The following ARHGEF37 variants were observed in gnomAD, a reference collection of about 807,000 sequenced individuals.
ARHGEF37 encodes Rho guanine nucleotide exchange factor 37.
Under a neutral mutation model 71.1 loss-of-function variants are expected in ARHGEF37, and 55 were observed. The observed-to-expected ratio is 0.77, with a 90% CI of 0.62 to 0.97. The LOEUF (loss-of-function observed/expected upper bound fraction) is 0.97. Ranked by LOEUF, ARHGEF37 falls within the 50% of genes least tolerant of loss-of-function variation. The probability of loss-of-function intolerance (pLI) is 0.00; values close to 1 mark genes in which losing one functional copy is unlikely to be tolerated. For synonymous variants in ARHGEF37, 327 were observed against 350.6 expected (o/e 0.93, Z 0.75); for missense variants, 765 against 836.8 (o/e 0.91, Z 1.06).
At chr5:149,581,924 C>G (rs1763118834) in intron 1 of ARHGEF37, among the ~76,000 whole-genome samples, 3 of 152,128 alleles carry the variant, frequency 2.0e-5, no homozygotes, top group African/African-American at 7.2e-5. Context: ...TGCCTTCTTC[C>G]GTGCAGGATT....
intron 4 of ARHGEF37, among the ~76,000 whole-genome samples, chr5:149,614,055 C>A (rs186979764): frequency 9.2e-5 from 14 of 152,056 alleles, no homozygotes; most frequent in African/African-American, 2.9e-4. Context: ...TGAGCCACTG[C>A]GCCCAGCACA....
chr5:149,574,775 G>C (rs981156484), intron 1 of ARHGEF37, among the ~76,000 whole-genome samples: 1 of 152,088 alleles, frequency 6.6e-6, no homozygotes, highest in Non-Finnish European at 1.5e-5. Flanking sequence ...GTCAGCCCAG[G>C]TAGTCATCTC....
intron 1 of ARHGEF37, among the ~76,000 whole-genome samples, chr5:149,564,975 C>G (rs988451820): frequency 6.6e-5 from 10 of 152,340 alleles, no homozygotes; most frequent in East Asian, 1.9e-4. Flanking sequence ...TTCTAGCCAG[C>G]CTTCTGTGGC....
In ARHGEF37 at chr5:149,618,924, CACATT is replaced by C. The variant is rs1395120937; in HGVS notation, c.790-11_790-7del. ...CATGTGGATATTCTCAACCCTCACA[CACATT>C]ACTTTCAGACAGAAGACAAGGAATT... is the stretch of plus-strand genomic sequence containing the variant. On this transcript the variant is annotated splice_polypyrimidine_tract_variant and intron_variant, in intron 6 of 12. Coordinates refer to ENST00000333677, the MANE Select transcript of ARHGEF37 (RefSeq NM_001001669.3). 1.2e-6 allele frequency: 2 copies of C among 1,603,506 alleles called. No individual in the cohort carries two copies. Among genetic ancestry groups the C allele is most frequent in the East Asian group, 4.5e-5 (2 of 44,820 alleles).
chr5:149,592,071 C>A (rs1001621022), intron 1 of ARHGEF37, among the ~76,000 whole-genome samples: 4 of 152,204 alleles, frequency 2.6e-5, no homozygotes, highest in Admixed American at 2.6e-4. Context: ...GCCCTCTGTA[C>A]TGTTCACCCA....
At chr5:149,623,581 A>G (rs1203218641) in intron 9 of ARHGEF37, among the ~76,000 whole-genome samples, 2 of 152,142 alleles carry the variant, frequency 1.3e-5, no homozygotes, top group Non-Finnish European at 2.9e-5. Flanking sequence ...GCCAGTAGAG[A>G]GGTGGTCACG....
At chr5:149,605,432 A>G (rs1485313823) in intron 3 of ARHGEF37, among the ~76,000 whole-genome samples, 3 of 152,150 alleles carry the variant, frequency 2.0e-5, no homozygotes, top group African/African-American at 7.2e-5. Flanking sequence ...TTTTGTATGA[A>G]GTCTTTGAAA....
At chr5:149,572,607 G>A (rs1762981189) in intron 1 of ARHGEF37, among the ~76,000 whole-genome samples, 1 of 152,184 alleles carries the variant, frequency 6.6e-6, no homozygotes, top group Non-Finnish European at 1.5e-5. Flanking sequence ...CCTGATAGTT[G>A]GTCAAACATT....
chr5:149,554,023 C>T (rs913740923), intron 1 of ARHGEF37, among the ~76,000 whole-genome samples: 1 of 152,072 alleles, frequency 6.6e-6, no homozygotes, highest in Non-Finnish European at 1.5e-5. Context: ...CAAAAATTAG[C>T]CGGGCGTGGT....
intron 10 of ARHGEF37, among the ~76,000 whole-genome samples, chr5:149,625,392 A>G (rs1453614352): frequency 6.6e-6 from 1 of 152,194 alleles, no homozygotes; most frequent in Non-Finnish European, 1.5e-5. Flanking sequence ...CTCACATGCA[A>G]CATGTGAACT....
intron 1 of ARHGEF37, among the ~76,000 whole-genome samples, chr5:149,564,110 G>A (rs188006621): frequency 3.0e-4 from 46 of 151,644 alleles, no homozygotes; most frequent in Non-Finnish European, 2.9e-5. Context: ...GCACCAACAC[G>A]CCTGGCTAAT....
At position 149,560,765 on chromosome 5, in the gene ARHGEF37, GA is replaced by G. The variant is rs113304542; in HGVS notation, c.-12+8653del. ...GTAAAACCCTGTTTGTACTTTCAAA[GA>G]AAAAAAAAAATTGTGCCATTTATTG... On this transcript the variant is annotated intron_variant, in intron 1 of 2. Transcript: ENST00000505810. Among the ~76,000 whole-genome samples the G allele has an allele frequency of 5.3e-3, 762 of 144,760 alleles. 6 individuals carry two copies. Among genetic ancestry groups the G allele is most frequent in the African/African-American group, 0.016 (625 of 39,732 alleles). The allele number at this position is 144,760 out of a possible 152,430, so 95.0% of individuals were successfully genotyped here.
chr5:149,616,314 G>T (rs1252993507), intron 4 of ARHGEF37, among the ~76,000 whole-genome samples: 4 of 152,162 alleles, frequency 2.6e-5, no homozygotes, highest in Admixed American at 2.6e-4. Flanking sequence ...CTGTGGAGAG[G>T]CCGAGCAAGC....
chr5:149,597,020 G>A (rs1216010510), intron 1 of ARHGEF37, among the ~76,000 whole-genome samples: 1 of 152,120 alleles, frequency 6.6e-6, no homozygotes, highest in Non-Finnish European at 1.5e-5. Context: ...GGAGAGCAGT[G>A]TGGATTAGGA....
At chr5:149,560,054 C>T (rs899870048) in intron 1 of ARHGEF37, among the ~76,000 whole-genome samples, 34 of 152,118 alleles carry the variant, frequency 2.2e-4, no homozygotes, top group African/African-American at 8.0e-4. Context: ...TAGATGTCTT[C>T]GGAATCAAAA....
intron 1 of ARHGEF37, among the ~76,000 whole-genome samples, chr5:149,564,365 C>T (rs945330491): frequency 6.6e-6 from 1 of 152,024 alleles, no homozygotes; most frequent in Non-Finnish European, 1.5e-5. Flanking sequence ...ACTTAACTTG[C>T]CCAGGTGCAC....
upstream of ARHGEF37, among the ~76,000 whole-genome samples, chr5:149,551,740 T>C (rs1762671483): frequency 6.6e-6 from 1 of 152,230 alleles, no homozygotes; most frequent in Non-Finnish European, 1.5e-5. Context: ...CACCTTCATG[T>C]TTCGTGGCAG....
intron 12 of ARHGEF37, among the ~76,000 whole-genome samples, chr5:149,629,844 G>A (rs1437102533): frequency 6.6e-6 from 1 of 152,212 alleles, no homozygotes; most frequent in Non-Finnish European, 1.5e-5. Context: ...TTGTACAATG[G>A]AATATTATTC....
At chr5:149,557,865 A>ATTT (rs529240803) in intron 1 of ARHGEF37, among the ~76,000 whole-genome samples, 3 of 137,094 alleles carry the variant, frequency 2.2e-5, no homozygotes, top group African/African-American at 2.7e-5. Flanking sequence ...TTACCCAATA[A>ATTT]TTTTTTTTTT....
Sources: gnomAD v4.1 joint callset for allele counts (sites outside exome capture counted in the v4.1 genomes callset) on GRCh38, gnomAD v4.1.1 for gene constraint, MANE v1.5 for transcripts, NCBI Gene and HGNC (gene_info 2026-07-23, HGNC 2026-07-21) for gene names.